MALRD1: variants seen among roughly 807,000 people sequenced by gnomAD.
MALRD1 encodes MAM and LDL-receptor class A domain-containing protein 1.
Under a neutral mutation model 242.1 loss-of-function variants are expected in MALRD1, and 247 were observed. The ratio of observed to expected loss-of-function variants is 1.02; its 90% CI spans 0.92 to 1.13. MALRD1 has a LOEUF of 1.13. Among genes scored for constraint, MALRD1 ranks in the 50% most tolerant of loss-of-function variants. The pLI is 0.00. For missense variants in MALRD1, 2,989 were observed against 2,533.1 expected (o/e 1.18, Z -3.86); for synonymous variants, 995 against 866.6 (o/e 1.15, Z -2.60).
In MALRD1 at chr10:19,237,623, T is replaced by TAC. The variant is rs1838401470; in HGVS notation, c.2992-20060_2992-20059insCA. On this transcript the variant is annotated intron_variant, in intron 18 of 39. Coordinates refer to ENST00000454679, the MANE Select transcript of MALRD1 (RefSeq NM_001142308.3). ...AATTATAATTATAATTATATAATTA[T>TAC]ATAATTATAATTATATATAAATTAT... 1.8e-4 allele frequency among the ~76,000 whole-genome samples: 3 copies of TAC among 16,420 alleles called. No homozygotes were observed. The Admixed American group carries it at 3.7e-3, about 21-fold the overall frequency. The allele number at this position is 16,420 out of a possible 152,430, so 10.8% of individuals were successfully genotyped here. A position where few individuals can be genotyped will look rare whatever the true frequency, so the allele number is the denominator to read the frequency against.
chr10:19,389,475 A>G lies in MALRD1; in HGVS notation c.4711A>G (p.Thr1571Ala). 6.4e-7 allele frequency: 1 copy of G among 1,550,568 alleles called. No homozygotes were observed. Residue 1571 changes from threonine (T) to alanine (A), a missense_variant, in exon 28 of 40, where the codon ACT (threonine) becomes GCT (alanine). Thr to Ala is a moderately conservative substitution (Grantham distance 58, BLOSUM62 0). Transcript: ENST00000454679. ...AGGGCACTTCATGTATCTGGAAGCT[A>G]CTGCAGTGGGCCTTCGGGGTGACAA... ...ENGHFMYLEA[T>A]AVGLRGDKAH...
intron 28 of MALRD1, among the ~76,000 whole-genome samples, chr10:19,443,937 G>A (rs1036604809): frequency 7.2e-5 from 11 of 151,774 alleles, no homozygotes; most frequent in Non-Finnish European, 1.2e-4. Context: ...TATTGTGTGG[G>A]AGTCTAAGTC....
intron 14 of MALRD1, among the ~76,000 whole-genome samples, 155 bp downstream of exon 14, chr10:19,175,483 T>TATATATA (rs199565400): frequency 4.7e-5 from 7 of 148,126 alleles, no homozygotes; most frequent in Non-Finnish European, 9.0e-5. Context: ...TATATATATA[T>TATATATA]TTTAAAAGGT....
At chr10:19,621,351 T>TTA (rs374026508) in intron 36 of MALRD1, among the ~76,000 whole-genome samples, 9 of 121,874 alleles carry the variant, frequency 7.4e-5, no homozygotes, top group Non-Finnish European at 1.3e-4. Flanking sequence ...TAAAAATATG[T>TTA]AAAAAAAAAA....
chr10:19,283,269 C>T (rs921549084), intron 21 of MALRD1, 88 bp downstream of exon 21: 9 of 1,097,304 alleles, frequency 8.2e-6, no homozygotes, highest in Non-Finnish European at 8.3e-6. Context: ...TTATCCTAGG[C>T]CAATGCTACT....
chr10:19,306,665 C>T (rs183967303), intron 21 of MALRD1, among the ~76,000 whole-genome samples: 30 of 151,126 alleles, frequency 2.0e-4, no homozygotes, highest in African/African-American at 7.0e-4. Context: ...CTGATAAAGA[C>T]ATACCCAGGA....
Position 19,062,436 on chromosome 10 carries a change from C to T in MALRD1, c.200-4283C>T, listed in dbSNP as rs142415241. ...GCATTTTCACTTCTTGATATATACC[C>T]CAAGGAAACCAAAGTAGGGACTCGA... On this transcript the variant is annotated intron_variant, in intron 1 of 39. Coordinates refer to ENST00000454679, the MANE Select transcript of MALRD1 (RefSeq NM_001142308.3). 2.8e-3 allele frequency among the ~76,000 whole-genome samples: 428 copies of T among 152,198 alleles called. 5 individuals are homozygous for T. The highest frequency in any genetic ancestry group is 9.8e-3 in the African/African-American group (407 of 41,526).
intron 38 of MALRD1, among the ~76,000 whole-genome samples, chr10:19,718,349 C>T (rs916851536): frequency 6.6e-6 from 1 of 152,150 alleles, no homozygotes; most frequent in Non-Finnish European, 1.5e-5. Context: ...CTACTCAGCT[C>T]CTGTGGAGGA....
At chr10:19,095,330 A>G (rs1306772954) in intron 4 of MALRD1, among the ~76,000 whole-genome samples, 5 of 152,196 alleles carry the variant, frequency 3.3e-5, no homozygotes, top group Admixed American at 6.5e-5. Flanking sequence ...AATGAGGGTC[A>G]AAAGAAGGCT....
intron 28 of MALRD1, among the ~76,000 whole-genome samples, chr10:19,425,276 T>C (rs1833863537): frequency 6.6e-6 from 1 of 152,212 alleles, no homozygotes; most frequent in Non-Finnish European, 1.5e-5. Flanking sequence ...GCTTTTGACA[T>C]TTTACCTTAG....
chr10:19,325,006 C>CT (rs34290618), intron 22 of MALRD1, among the ~76,000 whole-genome samples: 14,243 of 77,988 alleles, frequency 0.18, 1,673 homozygotes, highest in South Asian at 0.31. Context: ...TCAGTAGTTG[C>CT]TTTTTTTTTT....
intron 28 of MALRD1, among the ~76,000 whole-genome samples, chr10:19,441,170 T>C (rs57032620): frequency 0.13 from 20,400 of 152,140 alleles, 1,708 homozygotes; most frequent in African/African-American, 0.25. Context: ...TCATATCCTT[T>C]GCCCACTTTT....
chr10:19,110,387 C>G (rs148301934), intron 5 of MALRD1, among the ~76,000 whole-genome samples: 4 of 152,188 alleles, frequency 2.6e-5, no homozygotes, highest in African/African-American at 9.7e-5. Flanking sequence ...ATTTTTAGTG[C>G]TCAGCATTTA....
chr10:19,656,353 C>T lies in MALRD1; in HGVS notation c.6138-35929C>T, dbSNP rs181794540. 2.0e-3 allele frequency among the ~76,000 whole-genome samples: 304 copies of T among 152,120 alleles called. 2 individuals are homozygous for T. Among genetic ancestry groups the T allele is most frequent in the African/African-American group, 6.0e-3 (249 of 41,508 alleles). On this transcript the variant is annotated intron_variant, in intron 36 of 39. Transcript: ENST00000454679. ...CTTTATTTGCTGTTATTTACAATAGCCTATATATTCCTCTTATAATTAGTG... is the reference window on the plus strand; with the variant it reads ...CTTTATTTGCTGTTATTTACAATAGTCTATATATTCCTCTTATAATTAGTG...
At chr10:19,501,681 C>G (rs1564395133) in intron 31 of MALRD1, among the ~76,000 whole-genome samples, 1 of 152,054 alleles carries the variant, frequency 6.6e-6, no homozygotes, top group Non-Finnish European at 1.5e-5. Context: ...TGTTTATTAA[C>G]ATAGATTACC....
At chr10:19,170,358 A>G (rs932540309) in intron 13 of MALRD1, among the ~76,000 whole-genome samples, 1 of 152,120 alleles carries the variant, frequency 6.6e-6, no homozygotes, top group Non-Finnish European at 1.5e-5. Context: ...TGAGTAGTCC[A>G]TTGATTTCAA....
rs866699555 is a variant in MALRD1, at chr10:19,734,186, A to T, written c.6420A>T (p.Leu2140Phe). 6.5e-7 allele frequency: 1 copy of T among 1,535,926 alleles called. No individual in the cohort carries two copies. The highest frequency in any genetic ancestry group is 2.0e-5 in the Admixed American group (1 of 50,944). Residue 2140 changes from leucine (L) to phenylalanine (F), a missense_variant, in exon 40 of 40, where the codon TTA becomes TTT. Coordinates refer to ENST00000454679, the MANE Select transcript of MALRD1 (RefSeq NM_001142308.3). ...ESSVYSFSNPLYGTTSGSLET... is the reference protein window; with the variant it reads ...ESSVYSFSNPFYGTTSGSLET... ...CTGTCTATTCCTTCTCAAACCCATT[A>T]TATGGCACAACATCAGGAAGCCTGG...
At chr10:19,066,217 G>A (rs1044537589) in intron 1 of MALRD1, among the ~76,000 whole-genome samples, 7 of 152,052 alleles carry the variant, frequency 4.6e-5, no homozygotes, top group African/African-American at 1.4e-4. Flanking sequence ...ATCTTTACGC[G>A]TTAAGTCCAG....
intron 20 of MALRD1, among the ~76,000 whole-genome samples, chr10:19,280,596 A>T (rs1011953399): frequency 2.0e-5 from 3 of 152,192 alleles, no homozygotes; most frequent in Non-Finnish European, 2.9e-5. Context: ...AAATTAATTT[A>T]TTCAAATTTT....
Sources: gnomAD v4.1 joint callset for allele counts (sites outside exome capture counted in the v4.1 genomes callset) on GRCh38, gnomAD v4.1.1 for gene constraint, MANE v1.5 for transcripts, NCBI Gene and HGNC (gene_info 2026-07-23, HGNC 2026-07-21) for gene names.